PTPRM: variants seen among roughly 807,000 people sequenced by gnomAD.
PTPRM encodes receptor-type tyrosine-protein phosphatase mu.
PTPRM carries 47 observed loss-of-function variants against 186.7 expected under a neutral mutation model. The observed-to-expected ratio is 0.25, with a 90% CI of 0.20 to 0.32. The LOEUF (loss-of-function observed/expected upper bound fraction) is 0.32. Among genes scored for constraint, PTPRM ranks in the 10% least tolerant of loss-of-function variants. The probability of loss-of-function intolerance (pLI) is 1.00; values close to 1 mark genes in which losing one functional copy is unlikely to be tolerated. For synonymous variants in PTPRM, 668 were observed against 674.9 expected, an observed-to-expected ratio of 0.99 and a Z score of 0.16; for missense variants, 1,494 against 1,865.0, an observed-to-expected ratio of 0.80 and a Z score of 3.66.
At chr18:8,286,264 G>A (rs9949304) in intron 19 of PTPRM, among the ~76,000 whole-genome samples, 2,814 of 152,214 alleles carry the variant, frequency 0.018, 94 homozygotes, top group African/African-American at 0.065. Context: ...AATGAGTAAC[G>A]TTTCAAGGGA....
At chr18:8,371,919 G>T (rs1265640838) in intron 24 of PTPRM, 1 of 152,296 alleles carries the variant, frequency 6.6e-6, no homozygotes, top group Non-Finnish European at 1.5e-5. Context: ...GCCCTGCACA[G>T]CTGCCCTGGA....
At chr18:8,107,629 TA>T (rs1448916605) in intron 11 of PTPRM, among the ~76,000 whole-genome samples, 2 of 152,144 alleles carry the variant, frequency 1.3e-5, no homozygotes, top group Non-Finnish European at 2.9e-5. Flanking sequence ...TGAGAGAACA[TA>T]AAAAATGCTT....
chr18:7,805,449 C>G (rs142392545), intron 2 of PTPRM, among the ~76,000 whole-genome samples: 50 of 152,298 alleles, frequency 3.3e-4, no homozygotes, highest in Non-Finnish European at 7.4e-5. Flanking sequence ...TGAGCTCTTT[C>G]ACTTCCATCT....
At chr18:8,147,513 C>G (rs1012851319) in intron 14 of PTPRM, among the ~76,000 whole-genome samples, 2 of 152,176 alleles carry the variant, frequency 1.3e-5, no homozygotes, top group Admixed American at 6.5e-5. Flanking sequence ...TGAGACTTTG[C>G]TGAAGTTACT....
chr18:7,738,797 G>T (rs551964873), intron 1 of PTPRM, among the ~76,000 whole-genome samples: 10 of 152,122 alleles, frequency 6.6e-5, no homozygotes, highest in Non-Finnish European at 7.4e-5. Flanking sequence ...TGTTATTGTG[G>T]ATAAGAATTG....
At chr18:8,015,915 A>G (rs1443087716) in intron 7 of PTPRM, among the ~76,000 whole-genome samples, 1 of 152,202 alleles carries the variant, frequency 6.6e-6, no homozygotes, top group Non-Finnish European at 1.5e-5. Context: ...TTAGTTGGAA[A>G]AGCTCCTGAA....
intron 1 of PTPRM, among the ~76,000 whole-genome samples, chr18:7,651,775 G>A (rs543114308): frequency 6.8e-4 from 103 of 152,228 alleles, no homozygotes; most frequent in African/African-American, 2.2e-3. Flanking sequence ...AGACTTAAAC[G>A]TTAGACCTAA....
chr18:8,357,943 G>A (rs1014375087), intron 23 of PTPRM, among the ~76,000 whole-genome samples: 2 of 152,088 alleles, frequency 1.3e-5, no homozygotes, highest in African/African-American at 2.4e-5. Flanking sequence ...CAATCTTATT[G>A]AAGGCTTATT....
intron 2 of PTPRM, among the ~76,000 whole-genome samples, chr18:7,831,908 T>C (rs2045781481): frequency 6.6e-6 from 1 of 152,214 alleles, no homozygotes; most frequent in South Asian, 2.1e-4. Context: ...CTTATTTCAC[T>C]TAGCATAATG....
At chr18:8,173,272 T>C (rs1453181663) in intron 14 of PTPRM, among the ~76,000 whole-genome samples, 2 of 152,216 alleles carry the variant, frequency 1.3e-5, no homozygotes, top group Non-Finnish European at 2.9e-5. Flanking sequence ...GTGGCAATTA[T>C]GTTGAAATTT....
intron 11 of PTPRM, 149 bp from the exon 12 acceptor site, chr18:8,113,337 A>G (rs2091836235): frequency 3.0e-6 from 2 of 669,692 alleles, no homozygotes; most frequent in Admixed American, 3.0e-5. Context: ...CAAGTGCTGC[A>G]TGAGAGTCTG....
chr18:8,195,866 A>T (rs1192262089), intron 14 of PTPRM, among the ~76,000 whole-genome samples: 1 of 152,222 alleles, frequency 6.6e-6, no homozygotes, highest in Non-Finnish European at 1.5e-5. Flanking sequence ...ACAAAAATAC[A>T]CTTGTACCAT....
At chr18:8,083,484 G>A (rs966056896) in intron 9 of PTPRM, among the ~76,000 whole-genome samples, 1 of 152,004 alleles carries the variant, frequency 6.6e-6, no homozygotes. Flanking sequence ...ATCTCAGTGG[G>A]CCCTTCCCCA....
intron 7 of PTPRM, among the ~76,000 whole-genome samples, chr18:7,980,349 C>G (rs2082481481): frequency 6.6e-6 from 1 of 152,022 alleles, no homozygotes; most frequent in South Asian, 2.1e-4. Context: ...CTGCTGCCCC[C>G]TAGAGTTGCT....
chr18:7,946,762 CTG>C (rs1345332216), intron 5 of PTPRM: 1 of 345,652 alleles, frequency 2.9e-6, no homozygotes, highest in African/African-American at 2.2e-5. Flanking sequence ...ATAAACAAGA[CTG>C]TTTTACAGAT....
chr18:8,168,728 G>A lies in PTPRM; in HGVS notation c.2300+24949G>A, dbSNP rs561516978. Among the ~76,000 whole-genome samples the A allele has an allele frequency of 3.3e-5, 5 of 152,274 alleles. No individual in the cohort carries two copies. The East Asian group carries it at 9.6e-4, about 29-fold the overall frequency. On this transcript the variant is annotated intron_variant, in intron 14 of 32. Transcript: ENST00000580170. ...ATACTAAAAAAGTGCTGAATTTTGTGGAACAAAGCTGATTTATGGACCATC... is the reference window on the plus strand; with the variant it reads ...ATACTAAAAAAGTGCTGAATTTTGTAGAACAAAGCTGATTTATGGACCATC...
At position 7,567,913 on chromosome 18, in the gene PTPRM, G is replaced by A. The variant is rs779234672; in HGVS notation, c.73+22G>A. On this transcript the variant is annotated intron_variant, in intron 1 of 32. Coordinates refer to ENST00000580170, the MANE Select transcript of PTPRM (RefSeq NM_001105244.2). The surrounding 1 kb of genome is among the most constrained non-coding windows in gnomAD (Gnocchi z 4.3). ...TCAGGTAAGCGGGACCGCCTCTGCCGCCCCCGAGGCGCGCGGGCCGGCGCG... is the reference window on the plus strand; with the variant it reads ...TCAGGTAAGCGGGACCGCCTCTGCCACCCCCGAGGCGCGCGGGCCGGCGCG... 46 of 1,536,458 alleles carry A rather than the reference G, an allele frequency of 3.0e-5. No homozygotes were observed. Among genetic ancestry groups the A allele is most frequent in the Non-Finnish European group, 3.3e-5 (38 of 1,150,820 alleles).
chr18:8,121,071 G>T (rs932374256), intron 13 of PTPRM, among the ~76,000 whole-genome samples: 2 of 152,086 alleles, frequency 1.3e-5, no homozygotes, highest in African/African-American at 2.4e-5. Context: ...AATGCACTGG[G>T]AGCTGCCTAT....
intron 1 of PTPRM, among the ~76,000 whole-genome samples, chr18:7,729,531 A>T (rs1490833465): frequency 1.3e-5 from 2 of 152,158 alleles, no homozygotes; most frequent in Admixed American, 1.3e-4. Context: ...TAAGGCTGAA[A>T]AAAAAACAGT....
Sources: allele counts gnomAD v4.1 joint callset (sites outside exome capture counted in the v4.1 genomes callset), GRCh38; gene constraint gnomAD v4.1.1; non-coding constraint Gnocchi (gnomAD v3.1); transcripts MANE v1.5; gene names NCBI Gene and HGNC (gene_info 2026-07-23, HGNC 2026-07-21).